Variants in PLBD2 observed in about 807,000 individuals in gnomAD.
PLBD2 encodes the protein putative aminopeptidase PLBD2.
PLBD2 carries 51 observed loss-of-function variants against 68.3 expected under a neutral mutation model. That is an observed-to-expected ratio of 0.75 (90% CI 0.60 to 0.94). The LOEUF (loss-of-function observed/expected upper bound fraction) is 0.94, where lower values mean the gene tolerates loss of function less well. Among genes scored for constraint, PLBD2 ranks in the 40% least tolerant of loss-of-function variants. The probability of loss-of-function intolerance (pLI) is 0.00; values close to 1 mark genes in which losing one functional copy is unlikely to be tolerated. For missense variants in PLBD2, 729 were observed against 792.2 expected (o/e 0.92, Z 0.96); for synonymous variants, 314 against 339.3 (o/e 0.93, Z 0.82).
chr12:113,358,621 C>T lies in PLBD2; in HGVS notation c.21C>T (p.Cys7=), dbSNP rs1258454672. The stretch of plus-strand genomic sequence containing the variant: ...CGGTCATGGTGGGCCAGATGTACTG[C>T]TACCCCGGCAGCCACCTGGCCCGGG... The part of the protein sequence containing the change: MVGQMY[C]YPGSHLARAL... The change falls in exon 1 of 12, where the codon TGC becomes TGT. Residue 7 remains cysteine (C), a synonymous_variant. Transcript: ENST00000280800. 3 of 1,468,960 alleles carry T rather than the reference C, an allele frequency of 2.0e-6. No individual in the cohort carries two copies. Among genetic ancestry groups the T allele is most frequent in the East Asian group, 3.0e-5 (1 of 33,164 alleles). 91.0% of individuals were successfully genotyped at this position (1,468,960 alleles called of 1,614,324 possible).
intron 6 of PLBD2, among the ~76,000 whole-genome samples, chr12:113,382,996 G>A (rs142588833): frequency 2.3e-4 from 35 of 151,136 alleles, no homozygotes; most frequent in Non-Finnish European, 4.3e-4. Flanking sequence ...CTCAGCCTCC[G>A]AATAGCTGGG....
At chr12:113,379,785 C>G (rs1403748511) in intron 5 of PLBD2, among the ~76,000 whole-genome samples, 1 of 151,636 alleles carries the variant, frequency 6.6e-6, no homozygotes, top group Non-Finnish European at 1.5e-5. Flanking sequence ...GCACTCCAGC[C>G]TGGGCAAAAA....
intron 6 of PLBD2, among the ~76,000 whole-genome samples, chr12:113,382,380 T>A (rs1367834032): frequency 6.6e-6 from 1 of 152,132 alleles, no homozygotes; most frequent in Non-Finnish European, 1.5e-5. Context: ...ACAGTGACCG[T>A]CCCAGTGACT....
intron 1 of PLBD2, among the ~76,000 whole-genome samples, chr12:113,359,660 A>G (rs1957271880): frequency 6.6e-6 from 1 of 152,104 alleles, no homozygotes. Flanking sequence ...GATTTTGAGG[A>G]TGTGCTCTAG....
rs1957397424 is a variant in PLBD2 at position 113,372,466 on chromosome 12, C to G, written c.385-183C>G. Among the ~76,000 whole-genome samples, 1 of 152,116 alleles carries G rather than the reference C, an allele frequency of 6.6e-6. No individual in the cohort carries two copies. ...GGCTCTCAGGGCAACTTCCAGGGGC[C>G]TGGGGTCCCTATCCGGGGCAGAGCT... On this transcript the variant is annotated intron_variant, in intron 2 of 11. Transcript: ENST00000280800. The surrounding 1 kb of genome is among the most constrained non-coding windows in gnomAD (Gnocchi z 4.2).
intron 6 of PLBD2, 112 bp from the exon 7 acceptor site, chr12:113,383,993 T>C (rs1269376892): frequency 1.2e-6 from 1 of 830,740 alleles, no homozygotes; most frequent in African/African-American, 2.0e-5. Flanking sequence ...TGAGACTCTA[T>C]CTCAAAAAAA....
intron 11 of PLBD2, 107 bp downstream of exon 11, chr12:113,388,013 A>T: frequency 7.2e-7 from 1 of 1,395,976 alleles, no homozygotes. Context: ...CAGGAATCAC[A>T]GTCGGAATTG....
At chr12:113,367,760 A>AAG (rs1308772803) in intron 1 of PLBD2, among the ~76,000 whole-genome samples, 1 of 125,816 alleles carries the variant, frequency 7.9e-6, no homozygotes, top group African/African-American at 3.4e-5. Flanking sequence ...AAAAAAAAAA[A>AAG]AAAAAGAAAA....
intron 1 of PLBD2, among the ~76,000 whole-genome samples, chr12:113,365,429 T>A (rs1219769465): frequency 6.6e-6 from 1 of 151,776 alleles, no homozygotes; most frequent in Non-Finnish European, 1.5e-5. Flanking sequence ...GATTCATGCC[T>A]CAGTCACCAG....
At position 113,372,733 on chromosome 12, in the gene PLBD2, A is replaced by G. The variant is rs1316524259; in HGVS notation, c.469A>G (p.Ser157Gly). Residue 157 changes from serine to glycine, a missense_variant, in exon 3 of 12, where the codon AGC becomes GGC. Transcript: ENST00000280800. The surrounding 1 kb of genome is among the most constrained non-coding windows in gnomAD (Gnocchi z 4.2). ...YEVGYCERLK[S>G]FLEANLEWMQ... is the part of the protein sequence containing the mutation. The stretch of plus-strand genomic sequence containing the variant: ...AGTCGGCTACTGCGAGAGGCTGAAG[A>G]GCTTCCTGGAGGCCAACCTAGAGTG... The G allele has an allele frequency of 5.0e-6, 8 of 1,613,922 alleles. No homozygotes were observed. Among genetic ancestry groups the G allele is most frequent in the Non-Finnish European group, 6.8e-6 (8 of 1,180,016 alleles).
Position 113,380,859 on chromosome 12 carries a change from T to G in PLBD2, c.957+17T>G, listed in dbSNP as rs1175790902. ...AGTGGGCTGGTGAGTCCCTTTCTCA[T>G]GTCTCCTCTGTTCCTGGGGTGTTTG... On this transcript the variant is annotated intron_variant, in intron 6 of 11. Coordinates refer to ENST00000280800, the MANE Select transcript of PLBD2 (RefSeq NM_173542.4). The G allele has an allele frequency of 6.5e-7, 1 of 1,545,818 alleles. No homozygotes were observed. Among genetic ancestry groups the G allele is most frequent in the Non-Finnish European group, 8.7e-7 (1 of 1,143,498 alleles).
chr12:113,385,364 T>C, intron 9 of PLBD2, 81 bp downstream of exon 9: 4 of 1,314,940 alleles, frequency 3.0e-6, no homozygotes, highest in Non-Finnish European at 4.3e-6. Flanking sequence ...CTAGGCAATG[T>C]TTTTAAACCC....
rs757508856 is a variant in PLBD2, at chr12:113,384,265, C to T, written c.1118C>T (p.Thr373Met). The T allele has an allele frequency of 8.7e-6, 14 of 1,607,496 alleles. No homozygotes were observed. Among genetic ancestry groups the T allele is most frequent in the South Asian group, 1.1e-5 (1 of 90,198 alleles). Residue 373 changes from threonine (T) to methionine (M), a missense_variant and splice_region_variant, in exon 7 of 12, where the codon ACG becomes ATG. Transcript: ENST00000280800. The surrounding 1 kb of genome is among the most constrained non-coding windows in gnomAD (Gnocchi z 4.2). ...ADIFKRFNSG[T>M]YNNQWMIVDY... ...ATCTTCAAGAGGTTCAACAGCGGCA[C>T]GTGAGTGGGCTTCTGGCCCTGTGGC...
chr12:113,386,933 G>A lies in PLBD2; in HGVS notation c.1287-4G>A, dbSNP rs1298143471. 2 of 1,612,826 alleles carry A rather than the reference G, an allele frequency of 1.2e-6. No individual in the cohort carries two copies. Among genetic ancestry groups the A allele is most frequent in the Non-Finnish European group, 1.7e-6 (2 of 1,179,500 alleles). The stretch of plus-strand genomic sequence containing the variant: ...TCATGGGTGACCATCCTTGTCCCCG[G>A]CAGGTCCTTCGAGACTGTGTTCAAT... On this transcript the variant is annotated splice_region_variant and splice_polypyrimidine_tract_variant and intron_variant, in intron 9 of 11. Coordinates refer to ENST00000280800, the MANE Select transcript of PLBD2 (RefSeq NM_173542.4).
chr12:113,389,241 T>G lies in PLBD2; in HGVS notation c.*615T>G, dbSNP rs1414319279. ...TGGCTGGAGGGTTCTGAATGTCCTC[T>G]CTCCATGTCAGGCAGAGGGTCAGCC... On this transcript the variant is annotated 3_prime_UTR_variant, in exon 12 of 12. Coordinates refer to ENST00000280800, the MANE Select transcript of PLBD2 (RefSeq NM_173542.4). 1.3e-5 allele frequency: 2 copies of G among 152,522 alleles called. No individual in the cohort carries two copies. The highest frequency in any genetic ancestry group is 2.9e-5 in the Non-Finnish European group (2 of 68,122). 9.4% of individuals were successfully genotyped at this position (152,522 alleles called of 1,614,324 possible). A position where few individuals can be genotyped will look rare whatever the true frequency, so the allele number is the denominator to read the frequency against.
At position 113,374,846 on chromosome 12, in the gene PLBD2, C is replaced by A. The variant is rs2082599816; in HGVS notation, c.698C>A (p.Thr233Asn). Residue 233 changes from threonine to asparagine, a missense_variant, in exon 5 of 12, where the codon ACC becomes AAC. Physicochemically the swap from Thr to Asn is moderately conservative, Grantham distance 65. Transcript: ENST00000280800. ...GACCTGGAGCTGGCCCTGAACAAGA[C>A]CAAGATCAAACCTTCTCTGGGCTCT... ...LEDLELALNKTKIKPSLGSGS... is the reference protein window; with the variant it reads ...LEDLELALNKNKIKPSLGSGS... The A allele has an allele frequency of 6.2e-7, 1 of 1,613,902 alleles. No individual in the cohort carries two copies. Among genetic ancestry groups the A allele is most frequent in the Non-Finnish European group, 8.5e-7 (1 of 1,180,024 alleles).
chr12:113,382,835 T>TTTTTTTTTTTTG (rs1335785271), intron 6 of PLBD2, among the ~76,000 whole-genome samples: 3 of 106,536 alleles, frequency 2.8e-5, no homozygotes, highest in Admixed American at 1.1e-4. Context: ...TGGTGGTTTT[T>TTTTTTTTTTTTG]TGTGTGTGTG....
chr12:113,374,335 G>A, intron 3 of PLBD2, 139 bp from the exon 4 acceptor site: 1 of 620,078 alleles, frequency 1.6e-6, no homozygotes, highest in Non-Finnish European at 2.9e-6. Context: ...GGGGAGTCAA[G>A]GCTGGCTGGA....
At position 113,380,781 on chromosome 12, in the gene PLBD2, TCTC is replaced by T. The variant is rs1957481545; in HGVS notation, c.902_904del (p.Ser301del). On this transcript the variant is annotated inframe_deletion, in exon 6 of 12. Transcript: ENST00000280800. ...CTGGTTCCCGGCAACAAGCTGGTCT[TCTC>T]CTCCTACCCCGGCACCATCTTCTCC... 1.9e-6 allele frequency: 3 copies of T among 1,555,276 alleles called. No individual in the cohort carries two copies. The highest frequency in any genetic ancestry group is 1.7e-6 in the Non-Finnish European group (2 of 1,149,274).
Sources: allele counts gnomAD v4.1 joint callset (sites outside exome capture counted in the v4.1 genomes callset), GRCh38; gene constraint gnomAD v4.1.1; non-coding constraint Gnocchi (gnomAD v3.1); transcripts MANE v1.5; gene names NCBI Gene and HGNC (gene_info 2026-07-23, HGNC 2026-07-21).